The following DST variants were observed in gnomAD, a reference collection of about 807,000 sequenced individuals.
DST encodes bullous pemphigoid antigen.
A neutral mutation model predicts 875.2 loss-of-function variants in DST; 253 were observed. The ratio of observed to expected loss-of-function variants is 0.29; its 90% CI spans 0.26 to 0.32. The LOEUF (loss-of-function observed/expected upper bound fraction) is 0.32. Ranked by LOEUF, DST falls within the 10% of genes least tolerant of loss-of-function variation. DST has a pLI of 1.00. For missense variants in DST, 8,287 were observed against 9,111.6 expected (o/e 0.91, Z 3.68); for synonymous variants, 3,124 against 3,197.1 (o/e 0.98, Z 0.77).
At chr6:56,904,466 G>A (rs975514647) in intron 2 of DST, among the ~76,000 whole-genome samples, 20 of 152,264 alleles carry the variant, frequency 1.3e-4, no homozygotes, top group African/African-American at 4.8e-4. Flanking sequence ...GTGTTTAAAT[G>A]AGATAATCCA....
intron 2 of DST, among the ~76,000 whole-genome samples, chr6:56,922,201 C>T (rs987537479): frequency 3.9e-5 from 6 of 152,140 alleles, no homozygotes; most frequent in African/African-American, 1.4e-4. Context: ...TTCTATCTAA[C>T]CTACAACAGG....
chr6:56,640,246 C>G lies in DST; in HGVS notation c.2387G>C (p.Arg796Pro). ...CAAAGAAGACTTTAGAAGGGGTTTT[C>G]GGATCTGCATCAACTTCAAAGTTTG... ...SLQTLKLMQI[R>P]KPLLKSSLLD... Residue 796 changes from arginine to proline, a missense_variant, in exon 18 of 104, where the codon CGA becomes CCA. This residue lies in a region of DST where 1,160 missense variants were observed against 1,424.3 expected (regional missense o/e 0.81). Coordinates refer to ENST00000680361, the MANE Select transcript of DST (RefSeq NM_001374736.1). 1 of 1,614,128 alleles carries G rather than the reference C, an allele frequency of 6.2e-7. No homozygotes were observed. The highest frequency in any genetic ancestry group is 8.5e-7 in the Non-Finnish European group (1 of 1,180,010).
chr6:56,591,727 C>A (rs1585923266), intron 49 of DST, among the ~76,000 whole-genome samples: 2 of 152,214 alleles, frequency 1.3e-5, no homozygotes, highest in East Asian at 3.9e-4. Flanking sequence ...AATCCCAGCA[C>A]TTTGGGAGGC....
In DST at chr6:56,504,024, A is replaced by T; in HGVS notation, c.19539T>A (p.Thr6513=). 2 of 1,609,032 alleles carry T rather than the reference A, an allele frequency of 1.2e-6. No homozygotes were observed. The highest frequency in any genetic ancestry group is 2.2e-5 in the East Asian group (1 of 44,596). ...SMSPIGTDLE[T]VKQQIEELKQ... ...TTAGCTCTTCAATCTGCTGCTTGAC[A>T]GTTTCGAGATCTGTTCCAATTGGAG... Residue 6513 remains threonine, a synonymous_variant, in exon 78 of 104, where the codon ACT becomes ACA. Coordinates refer to ENST00000680361, the MANE Select transcript of DST (RefSeq NM_001374736.1).
intron 3 of DST, among the ~76,000 whole-genome samples, chr6:56,888,774 C>A (rs1785867348): frequency 6.6e-6 from 1 of 152,078 alleles, no homozygotes; most frequent in Non-Finnish European, 1.5e-5. Context: ...ATACTGCAGC[C>A]TTACAAAAAC....
intron 3 of DST, chr6:56,871,164 CT>C (rs1257027881): frequency 2.8e-6 from 2 of 703,594 alleles, no homozygotes; most frequent in African/African-American, 3.5e-5. Context: ...TCCTCTTCCC[CT>C]AAGTGGCCTG....
chr6:56,874,142 G>A (rs1462058494), intron 3 of DST, among the ~76,000 whole-genome samples: 2 of 151,924 alleles, frequency 1.3e-5, no homozygotes, highest in African/African-American at 2.4e-5. Context: ...AAAAAACCAT[G>A]TACCCCATAA....
chr6:56,945,574 T>C (rs552211988), intron 2 of DST, among the ~76,000 whole-genome samples: 2 of 148,258 alleles, frequency 1.3e-5, no homozygotes, highest in South Asian at 4.1e-4. Context: ...CAGGTGACTC[T>C]GAACCTAGAG....
intron 9 of DST, among the ~76,000 whole-genome samples, chr6:56,677,764 C>A (rs2099137809): frequency 6.6e-6 from 1 of 152,174 alleles, no homozygotes; most frequent in African/African-American, 2.4e-5. Flanking sequence ...CTGGCTACTG[C>A]CCAAATTCAA....
intron 2 of DST, among the ~76,000 whole-genome samples, chr6:56,906,637 G>A (rs1289682595): frequency 6.6e-6 from 1 of 152,088 alleles, no homozygotes; most frequent in African/African-American, 2.4e-5. Flanking sequence ...ACCTCCTCAA[G>A]CTGGACTATA....
chr6:56,919,957 A>G (rs1233807681), intron 2 of DST, among the ~76,000 whole-genome samples: 3 of 152,162 alleles, frequency 2.0e-5, no homozygotes, highest in Non-Finnish European at 4.4e-5. Context: ...TGTCTCCGGG[A>G]AAAAAGAAGG....
chr6:56,546,346 T>TTATA (rs2097220184), intron 61 of DST, among the ~76,000 whole-genome samples: 2 of 59,870 alleles, frequency 3.3e-5, no homozygotes, highest in Non-Finnish European at 6.5e-5. Context: ...TATACATATT[T>TTATA]CATATATATA....
chr6:56,929,752 C>T (rs547831084), intron 2 of DST, among the ~76,000 whole-genome samples: 4 of 152,174 alleles, frequency 2.6e-5, no homozygotes, highest in Admixed American at 6.5e-5. Context: ...TAATTCTATA[C>T]AAAACATATA....
At chr6:56,516,682 T>C (rs938447127) in intron 71 of DST, among the ~76,000 whole-genome samples, 2 of 152,152 alleles carry the variant, frequency 1.3e-5, no homozygotes, top group African/African-American at 4.8e-5. Flanking sequence ...TTGTGGCTGG[T>C]TTTCTGCCAA....
intron 55 of DST, among the ~76,000 whole-genome samples, chr6:56,567,749 C>G (rs918222741): frequency 2.0e-5 from 3 of 152,002 alleles, no homozygotes; most frequent in Admixed American, 2.0e-4. Flanking sequence ...GACTAGATAC[C>G]CCACAGAGGA....
At chr6:56,751,639 G>A (rs2099587488) in intron 4 of DST, among the ~76,000 whole-genome samples, 1 of 152,142 alleles carries the variant, frequency 6.6e-6, no homozygotes, top group African/African-American at 2.4e-5. Context: ...GAGATAATAA[G>A]CCACTGGGTT....
Position 56,605,647 on chromosome 6 carries a change from A to G in DST, c.8981T>C (p.Leu2994Pro), listed in dbSNP as rs374666996. The change falls in exon 40 of 104, where the codon CTT becomes CCT. Residue 2994 changes from leucine to proline, a missense_variant. Leu to Pro is a moderately conservative substitution (Grantham distance 98). Coordinates refer to ENST00000680361, the MANE Select transcript of DST (RefSeq NM_001374736.1). ...KNMTPKVDSSLDHIICTEPDL... is the reference protein window; with the variant it reads ...KNMTPKVDSSPDHIICTEPDL... ...AGGCTCAGTACAAATGATGTGATCA[A>G]GAGATGAGTCAACTTTTGGTGTCAT... 3.2e-5 allele frequency: 51 copies of G among 1,612,904 alleles called. No homozygotes were observed. The highest frequency in any genetic ancestry group is 6.7e-5 in the Admixed American group (4 of 59,926).
intron 9 of DST, among the ~76,000 whole-genome samples, chr6:56,677,163 T>G (rs2099135060): frequency 6.6e-6 from 1 of 152,202 alleles, no homozygotes; most frequent in Non-Finnish European, 1.5e-5. Flanking sequence ...AATAACATCC[T>G]CCTTTGGTGG....
At chr6:56,466,816 A>AT (rs996413610) in intron 98 of DST, 2 of 152,228 alleles carry the variant, frequency 1.3e-5, no homozygotes, top group Admixed American at 1.3e-4. Flanking sequence ...GGCTGGATTA[A>AT]TATGCCATTT....
Sources: gnomAD v4.1 joint callset for allele counts (sites outside exome capture counted in the v4.1 genomes callset) on GRCh38, gnomAD v4.1.1 for gene constraint, gnomAD v4.1.1 regional missense constraint, MANE v1.5 for transcripts, NCBI Gene and HGNC (gene_info 2026-07-23, HGNC 2026-07-21) for gene names.